The following FMN2 variants were observed in gnomAD, a reference collection of about 807,000 sequenced individuals.
The protein encoded by FMN2 is formin-2.
In FMN2, 51 loss-of-function variants were observed where a neutral mutation model predicts 142.3. The ratio of observed to expected loss-of-function variants is 0.36; its 90% CI spans 0.29 to 0.45. FMN2 has a LOEUF of 0.45. Ranked by LOEUF, FMN2 falls within the 20% of genes least tolerant of loss-of-function variation. The pLI is 1.00. For synonymous variants in FMN2, 882 were observed against 869.8 expected (o/e 1.01, Z -0.25); for missense variants, 1,936 against 2,122.8 (o/e 0.91, Z 1.73).
rs746136273 is a variant in FMN2 at position 240,188,183 on chromosome 1, C to T, written c.1931-24C>T. On this transcript the variant is annotated intron_variant, in intron 3 of 17. Transcript: ENST00000319653. ...GGAAAATTGTCCTTTAAGATACTGA[C>T]TGTCTGCTTCCTTTCCAATCTAGAA... is the stretch of plus-strand genomic sequence containing the variant. 11 of 1,611,696 alleles carry T rather than the reference C, an allele frequency of 6.8e-6. No homozygotes were observed. In the South Asian group the frequency reaches 1.1e-4, roughly 16 times the overall value.
intron 15 of FMN2, among the ~76,000 whole-genome samples, chr1:240,434,651 T>C (rs1675299796): frequency 6.6e-6 from 1 of 151,546 alleles, no homozygotes; most frequent in South Asian, 2.1e-4. Context: ...AAGCTCCGCC[T>C]CCCGGGTTCA....
Position 240,269,505 on chromosome 1 carries a change from C to T in FMN2, c.4153+11473C>T, listed in dbSNP as rs145274547. Reference sequence around the variant, plus strand: ...TTTCTCTGGTTTTGTCCTTTTTGATCAAGATTACTTTGGCTATTTGGTTTT... The same window carrying T: ...TTTCTCTGGTTTTGTCCTTTTTGATTAAGATTACTTTGGCTATTTGGTTTT... On this transcript the variant is annotated intron_variant, in intron 7 of 17. Coordinates refer to ENST00000319653, the MANE Select transcript of FMN2 (RefSeq NM_020066.5). Among the ~76,000 whole-genome samples, 985 of 151,992 alleles carry T rather than the reference C, an allele frequency of 6.5e-3. 6 individuals are homozygous for T. Among genetic ancestry groups the T allele is most frequent in the Middle Eastern group, 0.017 (5 of 294 alleles).
chr1:240,239,634 C>A (rs1331384810), intron 6 of FMN2, among the ~76,000 whole-genome samples: 1 of 152,194 alleles, frequency 6.6e-6, no homozygotes, highest in Non-Finnish European at 1.5e-5. Flanking sequence ...TTTGTGTCTT[C>A]ACAGTGCTAA....
At chr1:240,373,538 CA>C (rs1342245314) in intron 14 of FMN2, among the ~76,000 whole-genome samples, 1 of 152,168 alleles carries the variant, frequency 6.6e-6, no homozygotes, top group Non-Finnish European at 1.5e-5. Flanking sequence ...ACAATGTTCA[CA>C]GCATCTTTAA....
chr1:240,130,215 C>A (rs1293511528), intron 2 of FMN2, among the ~76,000 whole-genome samples: 1 of 152,108 alleles, frequency 6.6e-6, no homozygotes, highest in African/African-American at 2.4e-5. Context: ...GATTTTGCTT[C>A]CTTTTCAGTA....
intron 16 of FMN2, among the ~76,000 whole-genome samples, chr1:240,442,100 C>G (rs1267636582): frequency 6.6e-6 from 1 of 152,124 alleles, no homozygotes; most frequent in Non-Finnish European, 1.5e-5. Context: ...TTCCGTGATC[C>G]ATGTGTCTTT....
chr1:240,179,078 C>A (rs1011007364), intron 3 of FMN2, among the ~76,000 whole-genome samples: 1 of 152,128 alleles, frequency 6.6e-6, no homozygotes, highest in Non-Finnish European at 1.5e-5. Context: ...GTTTTCTCAT[C>A]TGTAAAATGG....
chr1:240,149,776 T>G (rs1663684824), intron 2 of FMN2, among the ~76,000 whole-genome samples: 1 of 152,196 alleles, frequency 6.6e-6, no homozygotes. Context: ...ATTTCACCAC[T>G]GCAAAATATA....
chr1:240,120,708 T>C (rs1001359045), intron 1 of FMN2, among the ~76,000 whole-genome samples: 3 of 152,218 alleles, frequency 2.0e-5, no homozygotes, highest in African/African-American at 7.2e-5. Flanking sequence ...AGGGGATTAC[T>C]GAAGACTTTT....
chr1:240,243,996 C>T (rs542863168), intron 6 of FMN2, among the ~76,000 whole-genome samples: 3 of 152,324 alleles, frequency 2.0e-5, no homozygotes, highest in Admixed American at 2.0e-4. Flanking sequence ...TCTGGATATA[C>T]CACCTTGTGC....
At chr1:240,178,448 T>TTC (rs1491113423) in intron 3 of FMN2, among the ~76,000 whole-genome samples, 11 of 73,268 alleles carry the variant, frequency 1.5e-4, no homozygotes, top group African/African-American at 5.3e-4. Flanking sequence ...CTTCTTCTTC[T>TTC]TTTTTTTTTT....
intron 1 of FMN2, among the ~76,000 whole-genome samples, chr1:240,096,300 C>T (rs1277432270): frequency 1.3e-5 from 2 of 152,148 alleles, no homozygotes; most frequent in Non-Finnish European, 2.9e-5. Context: ...TTTCCAGTTC[C>T]TGTTTTTAAT....
At chr1:240,335,305 T>C (rs753701925) in intron 13 of FMN2, among the ~76,000 whole-genome samples, 1 of 152,194 alleles carries the variant, frequency 6.6e-6, no homozygotes, top group Non-Finnish European at 1.5e-5. Flanking sequence ...AAGTTGGTGC[T>C]CATTGACTGA....
intron 14 of FMN2, among the ~76,000 whole-genome samples, chr1:240,385,850 T>G (rs191307936): frequency 3.3e-5 from 5 of 152,142 alleles, no homozygotes; most frequent in Non-Finnish European, 7.4e-5. Flanking sequence ...CCCCATATGT[T>G]TATATACACC....
intron 14 of FMN2, among the ~76,000 whole-genome samples, chr1:240,387,575 G>A (rs1673447582): frequency 6.6e-6 from 1 of 152,124 alleles, no homozygotes; most frequent in South Asian, 2.1e-4. Context: ...CACAAATTAA[G>A]TAGAAATAAA....
At chr1:240,225,087 C>T (rs1667251109) in intron 6 of FMN2, among the ~76,000 whole-genome samples, 1 of 152,150 alleles carries the variant, frequency 6.6e-6, no homozygotes, top group Non-Finnish European at 1.5e-5. Context: ...GTTTCAATAC[C>T]TCTGTTAAAA....
At chr1:240,131,781 C>G (rs1188424503) in intron 2 of FMN2, among the ~76,000 whole-genome samples, 7 of 152,032 alleles carry the variant, frequency 4.6e-5, no homozygotes, top group Admixed American at 6.6e-5. Flanking sequence ...AGCACAGTTT[C>G]TAAGTATTTC....
In FMN2 at chr1:240,092,807, C is replaced by T. The variant is rs1483431456; in HGVS notation, c.698C>T (p.Ala233Val). Residue 233 changes from alanine to valine, a missense_variant, in exon 1 of 18, where the codon GCA becomes GTA. Transcript: ENST00000319653. ...QQQLQGAEEP[A>V]APPTAVSPQP... ...CAGCTCCAGGGCGCCGAGGAGCCTG[C>T]AGCGCCCCCCACTGCCGTCTCCCCT... is the stretch of plus-strand genomic sequence containing the variant. 1.3e-6 allele frequency: 2 copies of T among 1,582,698 alleles called. No individual in the cohort carries two copies. Among genetic ancestry groups the T allele is most frequent in the South Asian group, 1.1e-5 (1 of 88,100 alleles).
chr1:240,170,079 T>G, intron 2 of FMN2: 2 of 588,472 alleles, frequency 3.4e-6, no homozygotes, highest in Non-Finnish European at 6.1e-6. Context: ...AATCATGGAA[T>G]GAGAATAGCA....
Sources: allele counts gnomAD v4.1 joint callset (sites outside exome capture counted in the v4.1 genomes callset), GRCh38; gene constraint gnomAD v4.1.1; transcripts MANE v1.5; gene names NCBI Gene and HGNC (gene_info 2026-07-23, HGNC 2026-07-21).